The following PTPRQ variants were observed in gnomAD, a reference collection of about 807,000 sequenced individuals.
PTPRQ encodes the protein phosphatidylinositol phosphatase PTPRQ.
PTPRQ carries 199 observed loss-of-function variants against 246.0 expected under a neutral mutation model. The ratio of observed to expected loss-of-function variants is 0.81; its 90% CI spans 0.72 to 0.91. PTPRQ has a LOEUF of 0.91. PTPRQ is among the 40% of genes least tolerant of loss of function. The pLI is 0.00. For synonymous variants in PTPRQ, 869 were observed against 853.2 expected (o/e 1.02, Z -0.32); for missense variants, 2,624 against 2,528.4 (o/e 1.04, Z -0.81).
chr12:80,584,807 T>C (rs1343768029), intron 25 of PTPRQ, among the ~76,000 whole-genome samples: 4 of 152,152 alleles, frequency 2.6e-5, no homozygotes, highest in Non-Finnish European at 5.9e-5. Context: ...GTTCAGATGA[T>C]CTGAGTTCAA....
chr12:80,541,868 C>A, intron 21 of PTPRQ, 23 bp downstream of exon 21: 1 of 1,501,786 alleles, frequency 6.7e-7, no homozygotes, highest in South Asian at 1.4e-5. Context: ...CTTTTATTGT[C>A]TGTTAAGCAG....
At chr12:80,622,037 G>T (rs1899012036) in intron 32 of PTPRQ, 24 bp from the exon 33 acceptor site, 4 of 1,310,544 alleles carry the variant, frequency 3.1e-6, no homozygotes, top group Non-Finnish European at 4.0e-6. Context: ...GCAAAGTGTT[G>T]ATTTTTCTTT....
intron 25 of PTPRQ, among the ~76,000 whole-genome samples, chr12:80,567,799 A>G (rs1338167157): frequency 6.6e-6 from 1 of 152,132 alleles, no homozygotes; most frequent in Admixed American, 6.5e-5. Context: ...GTAGGTATAT[A>G]TTTAATTGTT....
At chr12:80,476,895 A>G (rs1349319326) in intron 8 of PTPRQ, among the ~76,000 whole-genome samples, 1 of 152,214 alleles carries the variant, frequency 6.6e-6, no homozygotes, top group Non-Finnish European at 1.5e-5. Flanking sequence ...AGTAACCTGT[A>G]TAGTAATAGG....
At chr12:80,553,395 T>C (rs1249171963) in intron 25 of PTPRQ, among the ~76,000 whole-genome samples, 3 of 152,126 alleles carry the variant, frequency 2.0e-5, no homozygotes, top group African/African-American at 7.2e-5. Flanking sequence ...TGATAAGAGG[T>C]TAGTAAGAAC....
At chr12:80,493,975 A>C (rs6539522) in intron 10 of PTPRQ, among the ~76,000 whole-genome samples, 129,283 of 151,908 alleles carry the variant, frequency 0.85, 55,879 homozygotes, top group Non-Finnish European at 0.93. Context: ...GAATGTCATA[A>C]GTGGCAAATT....
At chr12:80,532,686 G>C (rs952975134) in intron 17 of PTPRQ, among the ~76,000 whole-genome samples, 2 of 152,040 alleles carry the variant, frequency 1.3e-5, no homozygotes, top group Non-Finnish European at 2.9e-5. Context: ...CTCTCCTCTG[G>C]TCTCAATGGA....
chr12:80,591,206 G>T (rs1336752366), intron 26 of PTPRQ, among the ~76,000 whole-genome samples: 2 of 141,128 alleles, frequency 1.4e-5, no homozygotes, highest in East Asian at 4.3e-4. Context: ...GCTTACTGCA[G>T]CCTCGACCTC....
intron 37 of PTPRQ, 121 bp downstream of exon 37, chr12:80,649,790 A>G (rs1406993791): frequency 6.0e-6 from 8 of 1,334,358 alleles, no homozygotes; most frequent in Non-Finnish European, 7.9e-6. Flanking sequence ...TCAATACCCA[A>G]TTACCAGGTT....
Position 80,541,803 on chromosome 12 carries a change from GATACCTATACTGCCCAGCT to G in PTPRQ, c.3408_3426del (p.Tyr1137SerfsTer13). On this transcript the variant is annotated frameshift_variant, in exon 21 of 45. Transcript: ENST00000644991. LOFTEE classifies it high-confidence loss of function. ...TCCATCAACAGAAAAGGGATTCTCT[GATACCTATACTGCCCAGCT>G]ATACATCAAGACTGAAGAAGATGGT... The G allele has an allele frequency of 6.4e-7, 1 of 1,550,392 alleles. No homozygotes were observed. Among genetic ancestry groups the G allele is most frequent in the Non-Finnish European group, 8.7e-7 (1 of 1,146,352 alleles).
At chr12:80,668,756 A>G (rs987133262) in intron 39 of PTPRQ, among the ~76,000 whole-genome samples, 5 of 151,958 alleles carry the variant, frequency 3.3e-5, no homozygotes, top group African/African-American at 7.2e-5. Flanking sequence ...TGTAAATATT[A>G]TTATGTAGTC....
intron 28 of PTPRQ, 96 bp from the exon 29 acceptor site, chr12:80,613,496 C>T: frequency 2.4e-6 from 3 of 1,264,194 alleles, no homozygotes; most frequent in Admixed American, 5.7e-5. Context: ...TTGTGGAATA[C>T]TCTTTAAAAA....
In PTPRQ at chr12:80,471,492, A is replaced by ATT. The variant is rs1565727789; in HGVS notation, c.1040-611_1040-610dup. ...ATTTAGCATTTTTTTTTTTTTTTTTATTTGAGACAGAGTCTCGCTCTGTCG... is the reference window on the plus strand; with the variant it reads ...ATTTAGCATTTTTTTTTTTTTTTTTATTTTTGAGACAGAGTCTCGCTCTGTCG... On this transcript the variant is annotated intron_variant, in intron 7 of 44. Transcript: ENST00000644991. Among the ~76,000 whole-genome samples, 2 of 80,240 alleles carry ATT rather than the reference A, an allele frequency of 2.5e-5. 1 individual carries two copies. Among genetic ancestry groups the ATT allele is most frequent in the African/African-American group, 1.0e-4 (2 of 19,248 alleles). 52.6% of individuals were successfully genotyped at this position (80,240 alleles called of 152,430 possible).
chr12:80,532,770 G>A (rs1209604776), intron 17 of PTPRQ, among the ~76,000 whole-genome samples: 1 of 152,134 alleles, frequency 6.6e-6, no homozygotes, highest in African/African-American at 2.4e-5. Context: ...TGAATAGCCT[G>A]GCTAATCCTG....
chr12:80,570,860 G>A (rs963967827), intron 25 of PTPRQ, among the ~76,000 whole-genome samples: 4 of 152,064 alleles, frequency 2.6e-5, no homozygotes, highest in African/African-American at 4.8e-5. Flanking sequence ...CCCATTGCTT[G>A]TTTCTGTCAT....
At chr12:80,531,681 C>G (rs1895848577) in intron 17 of PTPRQ, among the ~76,000 whole-genome samples, 1 of 152,164 alleles carries the variant, frequency 6.6e-6, no homozygotes, top group African/African-American at 2.4e-5. Context: ...CAAATAACCT[C>G]TTACATATTT....
At chr12:80,631,536 T>C (rs1363216991) in intron 33 of PTPRQ, among the ~76,000 whole-genome samples, 1 of 152,232 alleles carries the variant, frequency 6.6e-6, no homozygotes, top group Non-Finnish European at 1.5e-5. Flanking sequence ...AGTAGCCTTT[T>C]GTTAGCTTCC....
intron 17 of PTPRQ, among the ~76,000 whole-genome samples, chr12:80,516,065 G>A (rs1284211554): frequency 6.6e-6 from 1 of 152,094 alleles, no homozygotes; most frequent in African/African-American, 2.4e-5. Flanking sequence ...TTTTTCAAAT[G>A]ATACACAGTC....
chr12:80,447,931 T>C (rs1455864085), intron 3 of PTPRQ, among the ~76,000 whole-genome samples: 1 of 151,920 alleles, frequency 6.6e-6, no homozygotes, highest in Non-Finnish European at 1.5e-5. Flanking sequence ...TCTAATTCTG[T>C]GAAAAATTAC....
Sources: allele counts gnomAD v4.1 joint callset (sites outside exome capture counted in the v4.1 genomes callset), GRCh38; gene constraint gnomAD v4.1.1; transcripts MANE v1.5; gene names NCBI Gene and HGNC (gene_info 2026-07-23, HGNC 2026-07-21).